The following ACSM6 variants were observed in gnomAD, a reference collection of about 807,000 sequenced individuals.
The protein encoded by ACSM6 is acyl-CoA synthetase medium chain family member 6.
In ACSM6, 35 loss-of-function variants were observed where a neutral mutation model predicts 51.1. That is an observed-to-expected ratio of 0.69 (90% CI 0.52 to 0.91). The LOEUF (loss-of-function observed/expected upper bound fraction) is 0.91, where lower values mean the gene tolerates loss of function less well. Among genes scored for constraint, ACSM6 ranks in the 40% least tolerant of loss-of-function variants. The pLI is 0.00. For synonymous variants in ACSM6, 172 were observed against 207.3 expected (o/e 0.83, Z 1.46); for missense variants, 509 against 584.1 (o/e 0.87, Z 1.32).
chr10:95,203,437 A>G (rs1372595833), intron 3 of ACSM6, among the ~76,000 whole-genome samples: 1 of 152,190 alleles, frequency 6.6e-6, no homozygotes, highest in African/African-American at 2.4e-5. Context: ...GTCTGTGGAA[A>G]AATTGTCTCC....
At chr10:95,221,252 T>C (rs887246865) in intron 9 of ACSM6, among the ~76,000 whole-genome samples, 6 of 152,126 alleles carry the variant, frequency 3.9e-5, no homozygotes, top group Admixed American at 3.3e-4. Context: ...ACTCATGCCA[T>C]AGAAATGTGA....
At chr10:95,207,098 C>T (rs548123078) in intron 3 of ACSM6, 110 bp from the exon 4 acceptor site, 500 of 1,004,300 alleles carry the variant, frequency 5.0e-4, no homozygotes, top group Non-Finnish European at 7.0e-4. Flanking sequence ...AAGAGAGACT[C>T]CTAAGAGAGA....
chr10:95,204,948 T>G (rs2034827980), intron 3 of ACSM6, among the ~76,000 whole-genome samples: 1 of 152,166 alleles, frequency 6.6e-6, no homozygotes, highest in Admixed American at 6.5e-5. Flanking sequence ...ACTCCTCCCT[T>G]CTCCATATAT....
chr10:95,228,723 G>A (rs1248184768), exon 11 of ACSM6: 1 of 1,551,820 alleles, frequency 6.4e-7, no homozygotes, highest in East Asian at 2.4e-5. Context: ...GATGAAGACG[G>A]CTACTTCTGG....
intron 3 of ACSM6, 54 bp downstream of exon 3, chr10:95,202,249 TCAGTTATTCA>T (rs1423025003): frequency 7.2e-7 from 1 of 1,386,288 alleles, no homozygotes. Context: ...AATCCCAGCC[TCAGTTATTCA>T]CAGAATGGAG....
intron 10 of ACSM6, chr10:95,225,868 T>G (rs907179117): frequency 3.3e-5 from 5 of 152,418 alleles, no homozygotes; most frequent in African/African-American, 1.2e-4. Context: ...TTAGTTGTTT[T>G]TATCTATAAC....
At chr10:95,201,177 A>T (rs1319698492) in intron 2 of ACSM6, among the ~76,000 whole-genome samples, 1 of 152,190 alleles carries the variant, frequency 6.6e-6, no homozygotes, top group Non-Finnish European at 1.5e-5. Context: ...ATCTTTTCTT[A>T]AAAAAATTTA....
At chr10:95,212,563 C>T (rs147667376) in intron 6 of ACSM6, among the ~76,000 whole-genome samples, 21 of 152,214 alleles carry the variant, frequency 1.4e-4, no homozygotes, top group African/African-American at 4.6e-4. Flanking sequence ...TTATTTAAAG[C>T]GACAAAGATC....
chr10:95,202,083 G>A (rs2034799267), exon 3 of ACSM6: 1 of 1,551,972 alleles, frequency 6.4e-7, no homozygotes, highest in Non-Finnish European at 8.7e-7. Flanking sequence ...TCTCCAAGAA[G>A]GCCGCCAGCA....
At chr10:95,209,190 C>A (rs988442649) in intron 4 of ACSM6, among the ~76,000 whole-genome samples, 9 of 152,022 alleles carry the variant, frequency 5.9e-5, no homozygotes, top group Admixed American at 5.2e-4. Flanking sequence ...ACAGAGCTAG[C>A]CTTTGGAAGC....
chr10:95,218,089 G>A (rs951761705), intron 8 of ACSM6, among the ~76,000 whole-genome samples: 2 of 152,190 alleles, frequency 1.3e-5, no homozygotes, highest in Non-Finnish European at 2.9e-5. Context: ...GCACATCTTA[G>A]GCAGTAATGA....
At chr10:95,204,389 TA>T (rs777167550) in intron 3 of ACSM6, among the ~76,000 whole-genome samples, 1 of 151,780 alleles carries the variant, frequency 6.6e-6, no homozygotes, top group Admixed American at 6.6e-5. Flanking sequence ...CCGTCTCTAC[TA>T]AAAAAATACA....
intron 5 of ACSM6, 46 bp downstream of exon 5, chr10:95,210,839 G>A (rs1456187022): frequency 6.3e-7 from 1 of 1,583,132 alleles, no homozygotes; most frequent in Non-Finnish European, 8.6e-7. Context: ...TTGTTCTCTT[G>A]CAGGTAAAGG....
chr10:95,212,133 G>T, intron 6 of ACSM6, 99 bp downstream of exon 6: 1 of 1,414,668 alleles, frequency 7.1e-7, no homozygotes, highest in Non-Finnish European at 9.8e-7. Context: ...CAAATCAAGA[G>T]TTAAATTTGG....
chr10:95,217,447 A>C (rs1251770419), intron 8 of ACSM6, among the ~76,000 whole-genome samples: 1 of 152,236 alleles, frequency 6.6e-6, no homozygotes, highest in Non-Finnish European at 1.5e-5. Flanking sequence ...TGAGAAGCAA[A>C]AACACAAAAT....
At chr10:95,215,875 G>GGA (rs368435581) in intron 8 of ACSM6, among the ~76,000 whole-genome samples, 5 of 151,864 alleles carry the variant, frequency 3.3e-5, no homozygotes, top group East Asian at 1.9e-4. Context: ...TCACAGACAG[G>GGA]GAGAGAGAGA....
Position 95,205,522 on chromosome 10 carries a change from C to T in ACSM6, c.404-1686C>T, listed in dbSNP as rs371467997. Among the ~76,000 whole-genome samples the T allele has an allele frequency of 1.2e-4, 18 of 152,238 alleles. No homozygotes were observed. In the East Asian group the frequency reaches 1.4e-3, roughly 11 times the overall value. ...AGACCTCCACTCATGATCTGATCAC[C>T]TTTCAAAGATCTCACCTCCATCACC... is the stretch of plus-strand genomic sequence containing the variant. On this transcript the variant is annotated intron_variant, in intron 3 of 10. Coordinates refer to ENST00000341686, the Ensembl canonical transcript of ACSM6.
At chr10:95,224,087 C>G (rs1447211989) in intron 9 of ACSM6, among the ~76,000 whole-genome samples, 1 of 152,128 alleles carries the variant, frequency 6.6e-6, no homozygotes, top group Non-Finnish European at 1.5e-5. Flanking sequence ...AATGTATTCT[C>G]TAGATAATTC....
intron 4 of ACSM6, among the ~76,000 whole-genome samples, 163 bp downstream of exon 4, chr10:95,207,578 T>C (rs2034853353): frequency 6.6e-6 from 1 of 152,188 alleles, no homozygotes; most frequent in Non-Finnish European, 1.5e-5. Context: ...GTGGTCAGAA[T>C]GAAAAGCTGA....
Sources: allele counts gnomAD v4.1 joint callset (sites outside exome capture counted in the v4.1 genomes callset), GRCh38; gene constraint gnomAD v4.1.1; transcripts MANE v1.5; gene names NCBI Gene and HGNC (gene_info 2026-07-23, HGNC 2026-07-21).